The following NEK10 variants were observed in gnomAD, a reference collection of about 807,000 sequenced individuals.
NEK10 encodes the protein NIMA related kinase 10.
A neutral mutation model predicts 159.8 loss-of-function variants in NEK10; 122 were observed. The ratio of observed to expected loss-of-function variants is 0.76; its 90% confidence interval spans 0.66 to 0.89. NEK10 has a LOEUF of 0.89. Ranked by LOEUF, NEK10 falls within the 40% of genes least tolerant of loss-of-function variation. The probability of loss-of-function intolerance (pLI) is 0.00; values close to 1 mark genes in which losing one functional copy is unlikely to be tolerated. For missense variants in NEK10, 1,342 were observed against 1,323.1 expected (o/e 1.01, Z -0.22); for synonymous variants, 466 against 457.1 (o/e 1.02, Z -0.25).
chr3:27,172,015 T>A, intron 28 of NEK10, 142 bp from the exon 29 acceptor site: 1 of 906,020 alleles, frequency 1.1e-6, no homozygotes, highest in Non-Finnish European at 1.6e-6. Flanking sequence ...GGTGGGACTG[T>A]AAATTAGTGT....
intron 33 of NEK10, among the ~76,000 whole-genome samples, chr3:27,116,709 G>C (rs144563845): frequency 4.9e-4 from 75 of 151,970 alleles, no homozygotes; most frequent in African/African-American, 1.6e-3. Flanking sequence ...ATGTTGCCCA[G>C]GTTGGTCTTG....
chr3:27,260,277 A>T (rs1188967045), intron 22 of NEK10, among the ~76,000 whole-genome samples: 2 of 152,122 alleles, frequency 1.3e-5, no homozygotes, highest in Non-Finnish European at 2.9e-5. Context: ...GTGGTGAGAG[A>T]GGGCGTCCCT....
intron 22 of NEK10, among the ~76,000 whole-genome samples, chr3:27,271,150 T>C (rs1444518914): frequency 5.0e-5 from 1 of 20,078 alleles, no homozygotes; most frequent in Admixed American, 3.2e-4. Context: ...CTATCTATCT[T>C]CTATCTATCT....
chr3:27,203,296 C>A (rs191578411), intron 23 of NEK10, among the ~76,000 whole-genome samples: 6 of 152,102 alleles, frequency 3.9e-5, no homozygotes, highest in African/African-American at 1.4e-4. Context: ...ACTGATAGAG[C>A]CTTTCCCTTT....
chr3:27,271,774 T>C (rs760657708), intron 22 of NEK10, among the ~76,000 whole-genome samples: 16 of 152,106 alleles, frequency 1.1e-4, no homozygotes, highest in African/African-American at 1.9e-4. Context: ...ATTTCAGAAA[T>C]TGTACTCATA....
intron 26 of NEK10, among the ~76,000 whole-genome samples, chr3:27,180,663 G>A (rs1235256738): frequency 6.6e-6 from 1 of 152,116 alleles, no homozygotes; most frequent in African/African-American, 2.4e-5. Flanking sequence ...GTTACATAAG[G>A]AAAGGTCTAG....
intron 22 of NEK10, among the ~76,000 whole-genome samples, chr3:27,279,359 A>G (rs1575566948): frequency 6.6e-6 from 1 of 152,206 alleles, no homozygotes; most frequent in African/African-American, 2.4e-5. Flanking sequence ...AAACATAACA[A>G]GGCTGCCCCT....
At chr3:27,330,114 T>C (rs759047251) in intron 5 of NEK10, among the ~76,000 whole-genome samples, 2 of 151,088 alleles carry the variant, frequency 1.3e-5, no homozygotes, top group Non-Finnish European at 2.9e-5. Context: ...AATCTGATGA[T>C]GCAGAACCCT....
In NEK10 at chr3:27,291,321, T is replaced by C. The variant is rs1188383279; in HGVS notation, c.1546A>G (p.Ile516Val). ...TGATCCAAAATTGCATAGTTGCCTA[T>C]ATATTTCAAAGGAGCTTTGTTCTGA... ...INQNKAPLKY[I>V]GNYAILDHLG... The change falls in exon 18 of 36, where the codon ATA becomes GTA. Residue 516 changes from isoleucine to valine, a missense_variant. Transcript: ENST00000691995. The C allele has an allele frequency of 1.2e-6, 2 of 1,613,678 alleles. No individual in the cohort carries two copies. The highest frequency in any genetic ancestry group is 2.2e-5 in the South Asian group (2 of 91,032).
chr3:27,157,968 T>C (rs1036206333), intron 30 of NEK10, among the ~76,000 whole-genome samples: 1 of 152,196 alleles, frequency 6.6e-6, no homozygotes, highest in Admixed American at 6.6e-5. Flanking sequence ...TTTTTAATTA[T>C]AGTATATATA....
chr3:27,210,763 CA>C (rs1440203738), intron 23 of NEK10, among the ~76,000 whole-genome samples: 1 of 152,172 alleles, frequency 6.6e-6, no homozygotes, highest in Non-Finnish European at 1.5e-5. Flanking sequence ...CTCAAATTAT[CA>C]AACCTTCAGA....
intron 30 of NEK10, among the ~76,000 whole-genome samples, chr3:27,147,478 A>G (rs1477014364): frequency 6.6e-6 from 1 of 152,248 alleles, no homozygotes; most frequent in Non-Finnish European, 1.5e-5. Flanking sequence ...AAGCTGAGTC[A>G]AAGCATCAGC....
At chr3:27,244,022 T>C (rs142235465) in intron 23 of NEK10, among the ~76,000 whole-genome samples, 157 of 152,226 alleles carry the variant, frequency 1.0e-3, no homozygotes, top group African/African-American at 3.7e-3. Flanking sequence ...ATTCCACAGA[T>C]ATTCCCCCAA....
At chr3:27,240,299 T>C (rs1362029982) in intron 23 of NEK10, among the ~76,000 whole-genome samples, 1 of 152,106 alleles carries the variant, frequency 6.6e-6, no homozygotes, top group African/African-American at 2.4e-5. Flanking sequence ...TTGTCTCTAA[T>C]GATTTTTTGT....
chr3:27,262,832 C>T (rs189976438), intron 22 of NEK10, among the ~76,000 whole-genome samples: 75 of 152,330 alleles, frequency 4.9e-4, no homozygotes, highest in African/African-American at 1.5e-3. Context: ...TCTCTCAACT[C>T]GTCAAAGTCA....
intron 30 of NEK10, among the ~76,000 whole-genome samples, chr3:27,153,008 A>G (rs1181387334): frequency 6.6e-6 from 1 of 152,178 alleles, no homozygotes. Flanking sequence ...TTCCAAATTT[A>G]TAAAACACTA....
At chr3:27,318,918 G>GA (rs113981891) in intron 6 of NEK10, among the ~76,000 whole-genome samples, 22 of 147,612 alleles carry the variant, frequency 1.5e-4, no homozygotes, top group Admixed American at 2.0e-4. Flanking sequence ...AGACAATAAA[G>GA]AAAAAAAAAA....
At chr3:27,349,399 T>C (rs1290505935) in intron 3 of NEK10, among the ~76,000 whole-genome samples, 2 of 152,066 alleles carry the variant, frequency 1.3e-5, no homozygotes, top group Non-Finnish European at 2.9e-5. Flanking sequence ...AAGCTAAAAT[T>C]GGCTTCCTAT....
intron 6 of NEK10, among the ~76,000 whole-genome samples, chr3:27,320,022 T>C (rs1464489771): frequency 1.3e-5 from 2 of 152,230 alleles, no homozygotes; most frequent in Non-Finnish European, 2.9e-5. Flanking sequence ...CCAGCATAGC[T>C]TTGTGACTTC....
Sources: gnomAD v4.1 joint callset for allele counts (sites outside exome capture counted in the v4.1 genomes callset) on GRCh38, gnomAD v4.1.1 for gene constraint, MANE v1.5 for transcripts, NCBI Gene and HGNC (gene_info 2026-07-23, HGNC 2026-07-21) for gene names.